ZNF638: variants seen among roughly 807,000 people sequenced by gnomAD.
ZNF638 encodes CTCL tumor antigen se33-1.
A neutral mutation model predicts 195.6 loss-of-function variants in ZNF638; 46 were observed. The ratio of observed to expected loss-of-function variants is 0.24; its 90% CI spans 0.19 to 0.30. ZNF638 has a LOEUF of 0.30. ZNF638 is among the 10% of genes least tolerant of loss of function. The pLI is 1.00. For missense variants in ZNF638, 2,440 were observed against 2,325.3 expected (o/e 1.05, Z -1.01); for synonymous variants, 845 against 772.0 (o/e 1.09, Z -1.57).
intron 20 of ZNF638, among the ~76,000 whole-genome samples, chr2:71,408,974 A>G (rs1265882791): frequency 6.6e-6 from 1 of 152,136 alleles, no homozygotes; most frequent in African/African-American, 2.4e-5. Context: ...AAAAATATAT[A>G]AAAGTTTTTA....
Position 71,381,831 on chromosome 2 carries a change from G to T in ZNF638, c.2377+1266G>T, listed in dbSNP as rs140462044. 3.0e-3 allele frequency among the ~76,000 whole-genome samples: 459 copies of T among 152,078 alleles called. 2 individuals carry two copies. The highest frequency in any genetic ancestry group is 0.011 in the African/African-American group (437 of 41,508). On this transcript the variant is annotated intron_variant, in intron 10 of 27. Coordinates refer to ENST00000264447, the MANE Select transcript of ZNF638 (RefSeq NM_014497.5). ...GCAAAAGTACACTCCATTTTTTCTG[G>T]ATAAGAGCTAGTAAAAATTGGTACA...
intron 3 of ZNF638, among the ~76,000 whole-genome samples, chr2:71,361,346 T>C (rs1393082314): frequency 6.6e-6 from 1 of 152,254 alleles, no homozygotes; most frequent in African/African-American, 2.4e-5. Context: ...GTGTTGTTAA[T>C]CACCTTCATT....
intron 14 of ZNF638, 134 bp from the exon 15 acceptor site, chr2:71,400,344 G>A (rs2079981778): frequency 1.9e-6 from 2 of 1,053,046 alleles, no homozygotes; most frequent in Admixed American, 2.9e-5. Flanking sequence ...TGTCACTTTT[G>A]TAGTCATTTT....
rs183592795 is a variant in ZNF638, at chr2:71,406,829, G to A, written c.3135+567G>A. On this transcript the variant is annotated intron_variant, in intron 19 of 27. Coordinates refer to ENST00000264447, the MANE Select transcript of ZNF638 (RefSeq NM_014497.5). ...AGCCTGGGCAACATAGTGGGATGTC[G>A]TCTCTACAAAAAGTTTAAAAATTAG... is the stretch of plus-strand genomic sequence containing the variant. Among the ~76,000 whole-genome samples, 22 of 151,980 alleles carry A rather than the reference G, an allele frequency of 1.4e-4. No individual in the cohort carries two copies. In the East Asian group the frequency reaches 3.9e-3, roughly 27 times the overall value.
At chr2:71,353,385 C>G (rs565280639) in intron 2 of ZNF638, among the ~76,000 whole-genome samples, 1 of 152,244 alleles carries the variant, frequency 6.6e-6, no homozygotes, top group South Asian at 2.1e-4. Flanking sequence ...AGCCCTGATA[C>G]GAGTAGTTAT....
rs1252316667 is a variant in ZNF638 at position 71,342,679 on chromosome 2, CGTGCGT to C, written c.-202-6070_-202-6065del. Among the ~76,000 whole-genome samples, 8 of 113,516 alleles carry C rather than the reference CGTGCGT, an allele frequency of 7.0e-5. No homozygotes were observed. In the South Asian group the frequency reaches 1.2e-3, roughly 17 times the overall value. 74.5% of individuals were successfully genotyped at this position (113,516 alleles called of 152,430 possible). On this transcript the variant is annotated intron_variant, in intron 1 of 27. Transcript: ENST00000264447. ...ATAGTTAGAAATGGAGATTTTTGTG[CGTGCGT>C]GTGTGTGTGTGTCTTGGCAATTTGG... is the stretch of plus-strand genomic sequence containing the variant.
Position 71,427,421 on chromosome 2 carries a change from A to G in ZNF638, c.5545+7A>G. 6.5e-7 allele frequency: 1 copy of G among 1,528,174 alleles called. No individual in the cohort carries two copies. Among genetic ancestry groups the G allele is most frequent in the Non-Finnish European group, 8.7e-7 (1 of 1,144,662 alleles). 94.7% of individuals were successfully genotyped at this position (1,528,174 alleles called of 1,614,324 possible). A position where few individuals can be genotyped will look rare whatever the true frequency, so the allele number is the denominator to read the frequency against. On this transcript the variant is annotated splice_region_variant and intron_variant, in intron 24 of 27. Coordinates refer to ENST00000264447, the MANE Select transcript of ZNF638 (RefSeq NM_014497.5). ...ATTGAAAGACACTTAACAGGTAGAT[A>G]CTTGGAAGGGGTAGTCTTTCTGTTT...
intron 1 of ZNF638, among the ~76,000 whole-genome samples, chr2:71,332,092 T>G (rs537201864): frequency 6.6e-6 from 1 of 152,292 alleles, no homozygotes; most frequent in African/African-American, 2.4e-5. Context: ...CTCCGTCGTT[T>G]ATTCACTTCG....
chr2:71,406,496 A>G (rs2080108495), intron 19 of ZNF638, among the ~76,000 whole-genome samples: 1 of 152,036 alleles, frequency 6.6e-6, no homozygotes, highest in Admixed American at 6.6e-5. Flanking sequence ...CGCAAGGGGG[A>G]AAGGTAATAT....
In ZNF638 at chr2:71,426,829, T is replaced by C. The variant is rs749674274; in HGVS notation, c.4960T>C (p.Cys1654Arg). ...AGATGAATTAATTGACCAAGATGAT[T>C]GCATTTCCCACAGTGAACCTAAAGA... ...TLDELIDQDD[C>R]ISHSEPKDVT... Residue 1654 changes from cysteine (C) to arginine (R), a missense_variant, in exon 24 of 28, where the codon TGC (cysteine) becomes CGC (arginine). By Grantham distance (180) the Cys-to-Arg change is radical. Transcript: ENST00000264447. 9.9e-6 allele frequency: 16 copies of C among 1,613,528 alleles called. No homozygotes were observed. The South Asian group carries it at 1.8e-4, about 18-fold the overall frequency.
intron 2 of ZNF638, among the ~76,000 whole-genome samples, chr2:71,353,203 A>C (rs1318944104): frequency 6.6e-6 from 1 of 152,210 alleles, no homozygotes; most frequent in African/African-American, 2.4e-5. Context: ...CGAGTCTTTG[A>C]AACTATAGCT....
intron 16 of ZNF638, 98 bp downstream of exon 16, chr2:71,402,185 T>A: frequency 7.9e-7 from 1 of 1,265,544 alleles, no homozygotes; most frequent in Non-Finnish European, 1.1e-6. Flanking sequence ...TTAAAAGCAG[T>A]ATCTCAAAGT....
intron 1 of ZNF638, among the ~76,000 whole-genome samples, chr2:71,333,819 GTTAAGTGA>G (rs1290036657): frequency 6.6e-6 from 1 of 152,186 alleles, no homozygotes; most frequent in Non-Finnish European, 1.5e-5. Flanking sequence ...GTGAGTGACT[GTTAAGTGA>G]GACAGTGTAT....
chr2:71,348,309 CA>C (rs963626125), intron 1 of ZNF638: 8 of 672,950 alleles, frequency 1.2e-5, no homozygotes, highest in Non-Finnish European at 1.5e-5. Context: ...TTGTGTTTTA[CA>C]AAAATGGGTC....
At chr2:71,335,589 A>G (rs1302127852) in intron 1 of ZNF638, among the ~76,000 whole-genome samples, 2 of 152,242 alleles carry the variant, frequency 1.3e-5, no homozygotes, top group African/African-American at 2.4e-5. Flanking sequence ...TTAAACATAT[A>G]CAAAAGTAGA....
chr2:71,342,825 C>T (rs2078784832), intron 1 of ZNF638, among the ~76,000 whole-genome samples: 1 of 152,074 alleles, frequency 6.6e-6, no homozygotes, highest in Non-Finnish European at 1.5e-5. Flanking sequence ...TCATAGCTGA[C>T]GTCTATCAAA....
rs2152602248 is a variant in ZNF638, at chr2:71,422,911, C to T, written c.3397C>T (p.Pro1133Ser). The T allele has an allele frequency of 1.9e-6, 3 of 1,614,064 alleles. No homozygotes were observed. Among genetic ancestry groups the T allele is most frequent in the East Asian group, 4.5e-5 (2 of 44,866 alleles). ...KPNELEEEST[P>S]SIQTETLVQQ... ...TAATGAGCTTGAAGAAGAAAGTACT[C>T]CCAGCATTCAAACAGAAACTTTGGT... is the stretch of plus-strand genomic sequence containing the variant. Residue 1133 changes from proline (P) to serine (S), a missense_variant, in exon 22 of 28, where the codon CCC becomes TCC. Physicochemically the swap from Pro to Ser is moderately conservative, Grantham distance 74. Around this residue, in one of 5 missense-constraint regions of ZNF638, gnomAD observed 1,883 missense variants for 1,739.1 expected, o/e 1.08. Transcript: ENST00000264447.
chr2:71,424,092 T>C, intron 22 of ZNF638, 54 bp downstream of exon 22: 1 of 1,563,038 alleles, frequency 6.4e-7, no homozygotes, highest in Non-Finnish European at 8.7e-7. Context: ...TTAGCTCCGC[T>C]GCTGTAGCTA....
chr2:71,388,488 C>CTAA (rs1455423406), intron 10 of ZNF638: 1 of 697,520 alleles, frequency 1.4e-6, no homozygotes, highest in African/African-American at 1.7e-5. Flanking sequence ...TAAATCTGTA[C>CTAA]TAAATAAATA....
Sources: allele counts gnomAD v4.1 joint callset (sites outside exome capture counted in the v4.1 genomes callset), GRCh38; gene constraint gnomAD v4.1.1; regional missense constraint gnomAD v4.1.1; transcripts MANE v1.5; gene names NCBI Gene and HGNC (gene_info 2026-07-23, HGNC 2026-07-21).